The following GPC5 variants were observed in gnomAD, a reference collection of about 807,000 sequenced individuals.
The protein encoded by GPC5 is glypican-5.
A neutral mutation model predicts 53.9 loss-of-function variants in GPC5; 47 were observed. The ratio of observed to expected loss-of-function variants is 0.87; its 90% CI spans 0.69 to 1.11. The LOEUF (loss-of-function observed/expected upper bound fraction) is 1.11. GPC5 is among the 50% of genes most tolerant of loss of function. The probability of loss-of-function intolerance (pLI) is 0.00; values close to 1 mark genes in which losing one functional copy is unlikely to be tolerated. For missense variants in GPC5, 748 were observed against 713.1 expected, an observed-to-expected ratio of 1.05 and a Z score of -0.56; for synonymous variants, 286 against 263.3, an observed-to-expected ratio of 1.09 and a Z score of -0.84.
Position 91,693,997 on chromosome 13 carries a change from A to T in GPC5, c.1020+116A>T, listed in dbSNP as rs756731073. 5.2e-5 allele frequency: 41 copies of T among 781,388 alleles called. No individual in the cohort carries two copies. The Middle Eastern group carries it at 1.2e-3, about 23-fold the overall frequency. The allele number at this position is 781,388 out of a possible 1,614,324, so 48.4% of individuals were successfully genotyped here. A position where few individuals can be genotyped will look rare whatever the true frequency, so the allele number is the denominator to read the frequency against. On this transcript the variant is annotated intron_variant, in intron 3 of 7. Coordinates refer to ENST00000377067, the MANE Select transcript of GPC5 (RefSeq NM_004466.6). Reference sequence around the variant, plus strand: ...GTTGATATATTCAATCCAAGATATTATTTTTTTATATCTTATGATAAAATT... The same window carrying T: ...GTTGATATATTCAATCCAAGATATTTTTTTTTTATATCTTATGATAAAATT...
In GPC5 at chr13:91,927,035, ATGCT is replaced by A. The variant is rs1329434143; in HGVS notation, c.1401+18982_1401+18985del. Among the ~76,000 whole-genome samples the A allele has an allele frequency of 4.1e-4, 62 of 152,350 alleles. 1 individual carries two copies. Among genetic ancestry groups the A allele is most frequent in the African/African-American group, 1.2e-3 (48 of 41,590 alleles). On this transcript the variant is annotated intron_variant, in intron 6 of 7. Transcript: ENST00000377067. Reference sequence around the variant, plus strand: ...TATACAAATATTTCTCAATATTTTAATGCTTGCGGTATTGTTAATGTTTCTGTGG... The same window carrying A: ...TATACAAATATTTCTCAATATTTTAATGCGGTATTGTTAATGTTTCTGTGG...
At chr13:91,889,355 G>T (rs867442019) in intron 5 of GPC5, among the ~76,000 whole-genome samples, 2 of 151,928 alleles carry the variant, frequency 1.3e-5, no homozygotes, top group South Asian at 4.1e-4. Flanking sequence ...TAACTTAATT[G>T]TTCTTATAGT....
At chr13:92,574,121 A>G (rs185787074) in intron 7 of GPC5, among the ~76,000 whole-genome samples, 1 of 152,304 alleles carries the variant, frequency 6.6e-6, no homozygotes, top group African/African-American at 2.4e-5. Context: ...TCATTGCTTA[A>G]TAATTCTTTA....
At chr13:92,590,657 G>T (rs1244137422) in intron 7 of GPC5, among the ~76,000 whole-genome samples, 2 of 152,174 alleles carry the variant, frequency 1.3e-5, no homozygotes, top group Non-Finnish European at 2.9e-5. Context: ...GTCAATTCAA[G>T]TTTTATGATA....
chr13:91,639,364 C>T (rs970788838), intron 2 of GPC5, among the ~76,000 whole-genome samples: 9 of 152,112 alleles, frequency 5.9e-5, no homozygotes, highest in African/African-American at 2.2e-4. Flanking sequence ...ATTTATGTTA[C>T]AGAAACAAAC....
At chr13:92,175,631 T>C (rs192879349) in intron 7 of GPC5, among the ~76,000 whole-genome samples, 1 of 152,202 alleles carries the variant, frequency 6.6e-6, no homozygotes. Context: ...CTTAGTACTT[T>C]ATAGTTTAGA....
chr13:91,944,528 C>T (rs1208552830), intron 6 of GPC5, among the ~76,000 whole-genome samples: 2 of 152,162 alleles, frequency 1.3e-5, no homozygotes, highest in Non-Finnish European at 2.9e-5. Context: ...GAGCTAATTC[C>T]TATTTCCCCT....
intron 7 of GPC5, among the ~76,000 whole-genome samples, chr13:92,738,132 G>T (rs773868608): frequency 6.6e-6 from 1 of 151,756 alleles, no homozygotes; most frequent in Non-Finnish European, 1.5e-5. Context: ...AAAATGTATT[G>T]GTTCGAGGAA....
chr13:91,770,321 G>A (rs2037599077), intron 5 of GPC5, among the ~76,000 whole-genome samples: 1 of 152,100 alleles, frequency 6.6e-6, no homozygotes, highest in African/African-American at 2.4e-5. Flanking sequence ...GCTTCATCAT[G>A]TAGACATGAT....
At chr13:91,654,025 C>T (rs2034785474) in intron 2 of GPC5, among the ~76,000 whole-genome samples, 1 of 152,142 alleles carries the variant, frequency 6.6e-6, no homozygotes, top group Non-Finnish European at 1.5e-5. Flanking sequence ...TGTTCTACTT[C>T]ATATGTTAAA....
intron 2 of GPC5, among the ~76,000 whole-genome samples, chr13:91,556,541 A>AATG (rs1330140001): frequency 8.4e-4 from 122 of 145,468 alleles, no homozygotes; most frequent in African/African-American, 3.1e-3. Flanking sequence ...TATATATAAA[A>AATG]TGTGTGTGTG....
At chr13:92,000,231 G>A (rs1012435016) in intron 6 of GPC5, among the ~76,000 whole-genome samples, 23 of 151,612 alleles carry the variant, frequency 1.5e-4, no homozygotes, top group African/African-American at 4.1e-4. Context: ...TGGTTTCTCC[G>A]AGACACTGAG....
chr13:91,973,421 T>G (rs937846197), intron 6 of GPC5, among the ~76,000 whole-genome samples: 2 of 152,216 alleles, frequency 1.3e-5, no homozygotes, highest in African/African-American at 4.8e-5. Context: ...AATTTCCTCC[T>G]GTAGCTTGGA....
At chr13:92,111,603 A>C (rs889330021) in intron 6 of GPC5, among the ~76,000 whole-genome samples, 1 of 152,090 alleles carries the variant, frequency 6.6e-6, no homozygotes, top group African/African-American at 2.4e-5. Flanking sequence ...ATGAAACATC[A>C]ACAATGCTAT....
chr13:92,422,174 A>G (rs1566583401), intron 7 of GPC5, among the ~76,000 whole-genome samples: 1 of 151,880 alleles, frequency 6.6e-6, no homozygotes, highest in East Asian at 1.9e-4. Flanking sequence ...ACACCATTCC[A>G]AATACTCCTG....
intron 7 of GPC5, among the ~76,000 whole-genome samples, chr13:92,160,168 C>A (rs1415625607): frequency 1.3e-5 from 2 of 152,172 alleles, no homozygotes; most frequent in Non-Finnish European, 2.9e-5. Flanking sequence ...CCTCAGCCTC[C>A]CAAAGTGCTG....
chr13:91,791,145 A>T (rs2037957800), intron 5 of GPC5, among the ~76,000 whole-genome samples: 1 of 152,216 alleles, frequency 6.6e-6, no homozygotes, highest in Admixed American at 6.5e-5. Context: ...AGAGACAAGG[A>T]TCTCCATATT....
chr13:92,674,124 T>C (rs930316039), intron 7 of GPC5, among the ~76,000 whole-genome samples: 2 of 152,212 alleles, frequency 1.3e-5, no homozygotes, highest in African/African-American at 4.8e-5. Context: ...ACTTTTTGTT[T>C]TGTGCATGGA....
At chr13:91,749,873 C>A (rs1342507870) in intron 4 of GPC5, among the ~76,000 whole-genome samples, 1 of 152,310 alleles carries the variant, frequency 6.6e-6, no homozygotes, top group Non-Finnish European at 1.5e-5. Flanking sequence ...TGCAGTGGCA[C>A]AGTCTCAGCT....
Sources: gnomAD v4.1 joint callset for allele counts (sites outside exome capture counted in the v4.1 genomes callset) on GRCh38, gnomAD v4.1.1 for gene constraint, MANE v1.5 for transcripts, NCBI Gene and HGNC (gene_info 2026-07-23, HGNC 2026-07-21) for gene names.